NR3C1: variants seen among roughly 807,000 people sequenced by gnomAD.
NR3C1 encodes glucocorticoid receptor.
NR3C1 carries 14 observed loss-of-function variants against 74.0 expected under a neutral mutation model. The observed-to-expected ratio is 0.19, with a 90% CI of 0.12 to 0.30. NR3C1 has a LOEUF of 0.30. Ranked by LOEUF, NR3C1 falls within the 10% of genes least tolerant of loss-of-function variation. The probability of loss-of-function intolerance (pLI) is 1.00; values close to 1 mark genes in which losing one functional copy is unlikely to be tolerated. For missense variants in NR3C1, 695 were observed against 909.8 expected (o/e 0.76, Z 3.04); for synonymous variants, 308 against 332.5 (o/e 0.93, Z 0.80).
upstream of NR3C1, chr5:143,405,355 C>T: frequency 5.1e-6 from 5 of 985,764 alleles, no homozygotes; most frequent in Non-Finnish European, 6.0e-6. Flanking sequence ...CTCAGACTGA[C>T]GGCGGCTCCC....
At chr5:143,327,424 T>C (rs1824861541) in intron 2 of NR3C1, among the ~76,000 whole-genome samples, 1 of 152,214 alleles carries the variant, frequency 6.6e-6, no homozygotes, top group South Asian at 2.1e-4. Context: ...ATTTTGCACT[T>C]GCTCCCTCTC....
chr5:143,347,255 T>A (rs949310762), intron 2 of NR3C1, among the ~76,000 whole-genome samples: 1 of 152,234 alleles, frequency 6.6e-6, no homozygotes, highest in African/African-American at 2.4e-5. Flanking sequence ...GAATATAGTC[T>A]GTAACATTTT....
At chr5:143,321,073 T>A (rs903117622) in intron 2 of NR3C1, among the ~76,000 whole-genome samples, 1 of 152,226 alleles carries the variant, frequency 6.6e-6, no homozygotes, top group African/African-American at 2.4e-5. Flanking sequence ...TCCCACCTTA[T>A]GGTTCCTCAC....
intron 1 of NR3C1, among the ~76,000 whole-genome samples, chr5:143,433,466 ATAT>A (rs1600696247): frequency 1.3e-3 from 173 of 132,774 alleles, no homozygotes; most frequent in South Asian, 2.3e-3. Context: ...ATATATATAT[ATAT>A]ATTTAATTTC....
intron 2 of NR3C1, among the ~76,000 whole-genome samples, chr5:143,357,724 AAG>A (rs1412850270): frequency 6.6e-6 from 1 of 152,258 alleles, no homozygotes; most frequent in Non-Finnish European, 1.5e-5. Context: ...CTCAATAAAA[AAG>A]AAAATTCTGT....
intron 1 of NR3C1, among the ~76,000 whole-genome samples, chr5:143,428,839 C>T (rs969616500): frequency 2.0e-5 from 3 of 152,190 alleles, no homozygotes; most frequent in South Asian, 2.1e-4. Flanking sequence ...CCACTGTTTT[C>T]GCCATTCTGA....
chr5:143,320,647 T>C (rs897922613), intron 2 of NR3C1, among the ~76,000 whole-genome samples: 2 of 152,224 alleles, frequency 1.3e-5, no homozygotes, highest in African/African-American at 4.8e-5. Context: ...GTAAAGGGTT[T>C]CTTAGGTCCT....
rs1362957315 is a variant in NR3C1, at chr5:143,279,280, C to CTTA, written c.*2606_*2608dup. The CTTA allele has an allele frequency of 6.8e-7, 1 of 1,470,510 alleles. No individual in the cohort carries two copies. The highest frequency in any genetic ancestry group is 2.5e-5 in the East Asian group (1 of 39,624). The allele number at this position is 1,470,510 out of a possible 1,614,324, so 91.1% of individuals were successfully genotyped here. On this transcript the variant is annotated 3_prime_UTR_variant, in exon 9 of 9. Transcript: ENST00000394464. ...ATAGTTGTCGATGAGCATCAGTTGA[C>CTTA]TTATTATTGACAACGAAGTGCACAT...
At chr5:143,427,252 A>C (rs891574281) in intron 1 of NR3C1, among the ~76,000 whole-genome samples, 1 of 152,074 alleles carries the variant, frequency 6.6e-6, no homozygotes, top group Non-Finnish European at 1.5e-5. Context: ...ATTTCAGGAA[A>C]CGATAGCATA....
At chr5:143,301,616 G>C (rs1215722923) in intron 4 of NR3C1, among the ~76,000 whole-genome samples, 2 of 152,050 alleles carry the variant, frequency 1.3e-5, no homozygotes, top group Admixed American at 6.6e-5. Context: ...TCATACTCCT[G>C]AAGTTATTTT....
Position 143,279,368 on chromosome 5 carries a change from A to G in NR3C1, c.*2521T>C. On this transcript the variant is annotated 3_prime_UTR_variant, in exon 9 of 9. Transcript: ENST00000394464. ...CCAAGATTGTTGGGATGAAAATCAG[A>G]TTAATGTGTGAGATGTGCTTTCTGG... 1.3e-6 allele frequency: 2 copies of G among 1,552,262 alleles called. No homozygotes were observed. The highest frequency in any genetic ancestry group is 1.7e-6 in the Non-Finnish European group (2 of 1,148,706).
At position 143,398,356 on chromosome 5, in the gene NR3C1, G is replaced by GTTTT. The variant is rs35241746; in HGVS notation, c.1184+1296_1184+1299dup. On this transcript the variant is annotated intron_variant, in intron 2 of 8. Transcript: ENST00000394464. The stretch of plus-strand genomic sequence containing the variant: ...GACATGTAAGAACCAAGGTTTTTTG[G>GTTTT]TTTTTTTTTTTTTTTTTTTGACAAC... 4.7e-3 allele frequency among the ~76,000 whole-genome samples: 402 copies of GTTTT among 85,308 alleles called. 7 individuals carry two copies. Among genetic ancestry groups the GTTTT allele is most frequent in the African/African-American group, 0.014 (381 of 27,440 alleles). 56.0% of individuals were successfully genotyped at this position (85,308 alleles called of 152,430 possible).
chr5:143,425,641 T>C (rs1751490214), intron 1 of NR3C1, among the ~76,000 whole-genome samples: 1 of 152,182 alleles, frequency 6.6e-6, no homozygotes. Context: ...CATTATTCAT[T>C]ACAGAAATGC....
rs1036459600 is a variant in NR3C1, at chr5:143,403,385, G to C, written c.-188C>G. ...GGGTGGGGGGAGAGCCCCTATTTAA[G>C]AAAGTCTCCCATTGCCCAGCTGACA... On this transcript the variant is annotated 5_prime_UTR_variant, in exon 1 of 9. Coordinates refer to ENST00000394464, the MANE Select transcript of NR3C1 (RefSeq NM_000176.3). 2 of 985,318 alleles carry C rather than the reference G, an allele frequency of 2.0e-6. No individual in the cohort carries two copies. The highest frequency in any genetic ancestry group is 3.5e-5 in the African/African-American group (2 of 57,234). The allele number at this position is 985,318 out of a possible 1,614,324, so 61.0% of individuals were successfully genotyped here.
chr5:143,412,610 T>C (rs377735254), intron 1 of NR3C1, among the ~76,000 whole-genome samples: 17 of 152,318 alleles, frequency 1.1e-4, no homozygotes, highest in African/African-American at 3.6e-4. Flanking sequence ...TCAGAAAACT[T>C]CTGGCAACCA....
upstream of NR3C1, chr5:143,404,346 A>G: frequency 1.0e-6 from 1 of 985,328 alleles, no homozygotes; most frequent in Non-Finnish European, 1.2e-6. Flanking sequence ...CAGGGAAGGG[A>G]CGGGATAGCG....
intron 2 of NR3C1, among the ~76,000 whole-genome samples, chr5:143,393,616 TA>T (rs1838683627): frequency 6.6e-6 from 1 of 152,052 alleles, no homozygotes; most frequent in Admixed American, 6.5e-5. Context: ...TCAATAATTA[TA>T]AAAGAAAACA....
chr5:143,325,414 C>T (rs1454720495), intron 2 of NR3C1, among the ~76,000 whole-genome samples: 1 of 152,192 alleles, frequency 6.6e-6, no homozygotes, highest in Non-Finnish European at 1.5e-5. Context: ...CCCCTGGGTC[C>T]CTCCCACAAC....
intron 7 of NR3C1, chr5:143,293,748 T>C (rs1283226285): frequency 1.6e-5 from 7 of 436,398 alleles, no homozygotes; most frequent in Non-Finnish European, 2.1e-5. Flanking sequence ...TCTTAAGGTA[T>C]ATATTTCCAT....
Sources: allele counts gnomAD v4.1 joint callset (sites outside exome capture counted in the v4.1 genomes callset), GRCh38; gene constraint gnomAD v4.1.1; transcripts MANE v1.5; gene names NCBI Gene and HGNC (gene_info 2026-07-23, HGNC 2026-07-21).